PKD1L3: variants seen among roughly 807,000 people sequenced by gnomAD.
The protein encoded by PKD1L3 is polycystin-1-like protein 3.
In PKD1L3, 239 loss-of-function variants were observed where a neutral mutation model predicts 184.1. The ratio of observed to expected loss-of-function variants is 1.30; its 90% CI spans 1.17 to 1.45. The LOEUF (loss-of-function observed/expected upper bound fraction) is 1.45. PKD1L3 is among the 40% of genes most tolerant of loss of function. The pLI, the probability that PKD1L3 is intolerant of heterozygous loss-of-function variation, is 0.00. For missense variants in PKD1L3, 2,660 were observed against 2,067.2 expected (o/e 1.29, Z -5.56); for synonymous variants, 996 against 778.8 (o/e 1.28, Z -4.64).
At position 71,969,979 on chromosome 16, in the gene PKD1L3, C is replaced by A; in HGVS notation, c.2080G>T (p.Val694Leu). The A allele has an allele frequency of 6.4e-7, 1 of 1,551,742 alleles. No homozygotes were observed. Among genetic ancestry groups the A allele is most frequent in the African/African-American group, 1.4e-5 (1 of 73,132 alleles). ...VEDTIKLFLR[V>L]TNNPVGVSLL... is the part of the protein sequence containing the mutation. ...GACACCCCAACAGGATTGTTGGTCA[C>A]GCGAAGGAACAGTTTGATCGTGTCT... The change falls in exon 13 of 30, where the codon GTG becomes TTG. Residue 694 changes from valine (V) to leucine (L), a missense_variant. Coordinates refer to ENST00000620267, the MANE Select transcript of PKD1L3 (RefSeq NM_181536.2).
intron 16 of PKD1L3, among the ~76,000 whole-genome samples, chr16:71,958,681 T>C (rs1289672904): frequency 6.9e-6 from 1 of 145,440 alleles, no homozygotes; most frequent in Non-Finnish European, 1.5e-5. Context: ...CTCAGGAGGC[T>C]GAGGCAGGAG....
chr16:71,992,019 G>A lies in PKD1L3; in HGVS notation c.535+1197C>T, dbSNP rs149388758. Among the ~76,000 whole-genome samples the A allele has an allele frequency of 1.2e-4, 18 of 152,160 alleles. No homozygotes were observed. The East Asian group carries it at 2.7e-3, about 23-fold the overall frequency. On this transcript the variant is annotated intron_variant, in intron 3 of 29. Transcript: ENST00000620267. ...AGTTTTTTGTAGAGACAGAGACCCA[G>A]TATGTTGCCCAGGTTGGACTGGAAC...
intron 12 of PKD1L3, among the ~76,000 whole-genome samples, chr16:71,971,999 G>C (rs949104112): frequency 3.3e-5 from 5 of 151,268 alleles, no homozygotes; most frequent in Non-Finnish European, 2.9e-5. Flanking sequence ...GGCGGATCAC[G>C]AGGACAGGAG....
chr16:71,965,886 A>C (rs1252743867), intron 15 of PKD1L3, among the ~76,000 whole-genome samples: 1 of 152,056 alleles, frequency 6.6e-6, no homozygotes, highest in African/African-American at 2.4e-5. Flanking sequence ...AGCCATTCTG[A>C]TGGATGGCTA....
intron 3 of PKD1L3, 125 bp from the exon 4 acceptor site, chr16:71,990,454 C>A: frequency 1.4e-6 from 1 of 721,150 alleles, no homozygotes; most frequent in Non-Finnish European, 2.2e-6. Flanking sequence ...AAACCAAGGC[C>A]GGACATGGTA....
At position 71,986,467 on chromosome 16, in the gene PKD1L3, G is replaced by C. The variant is rs1011166979; in HGVS notation, c.588C>G (p.Ser196=). 2.6e-6 allele frequency: 4 copies of C among 1,545,938 alleles called. No homozygotes were observed. In the African/African-American group the frequency reaches 5.5e-5, roughly 21 times the overall value. ...GGCTGATGGGATGACACAGGGTCTTGGACTAAAAGATAAAAATATGTAAAG... is the reference window on the plus strand; with the variant it reads ...GGCTGATGGGATGACACAGGGTCTTCGACTAAAAGATAAAAATATGTAAAG... ...TCHYPLPAHL[S]KTLCHPISQF... Residue 196 remains serine, a splice_region_variant and synonymous_variant, in exon 5 of 30, where the codon TCC becomes TCG. Coordinates refer to ENST00000620267, the MANE Select transcript of PKD1L3 (RefSeq NM_181536.2).
In PKD1L3 at chr16:71,999,963, C is replaced by G; in HGVS notation, c.16G>C (p.Gly6Arg). ...CTGATGTATAACCAAAGCCAGCTTC[C>G]TCCTTTGAAGAACATTTTCTCTGAA... MFFKG[G>R]SWLWLYIRTS... is the part of the protein sequence containing the mutation. The change falls in exon 1 of 30, where the codon GGA (glycine) becomes CGA (arginine). Residue 6 changes from glycine (G) to arginine (R), a missense_variant. Transcript: ENST00000620267. The G allele has an allele frequency of 6.6e-7, 1 of 1,524,402 alleles. No individual in the cohort carries two copies. The highest frequency in any genetic ancestry group is 8.9e-7 in the Non-Finnish European group (1 of 1,128,188). 94.4% of individuals were successfully genotyped at this position (1,524,402 alleles called of 1,614,324 possible). A position where few individuals can be genotyped will look rare whatever the true frequency, so the allele number is the denominator to read the frequency against.
chr16:71,961,711 A>G (rs1361438262), intron 16 of PKD1L3, among the ~76,000 whole-genome samples: 1 of 152,204 alleles, frequency 6.6e-6, no homozygotes, highest in African/African-American at 2.4e-5. Flanking sequence ...AAAGATCCCA[A>G]GGGAAAACTC....
intron 28 of PKD1L3, among the ~76,000 whole-genome samples, chr16:71,932,780 C>CTTTTTTTT (rs71153681): frequency 2.1e-5 from 2 of 97,114 alleles, no homozygotes; most frequent in African/African-American, 8.8e-5. Flanking sequence ...CGCACCTGGC[C>CTTTTTTTT]TTTTTTTTTT....
At chr16:71,956,547 T>C (rs934807926) in intron 16 of PKD1L3, among the ~76,000 whole-genome samples, 3 of 152,016 alleles carry the variant, frequency 2.0e-5, no homozygotes, top group African/African-American at 7.2e-5. Context: ...CTTGAGGACA[T>C]TGTGATAAAT....
At position 71,950,221 on chromosome 16, in the gene PKD1L3, G is replaced by A; in HGVS notation, c.3280C>T (p.Gln1094Ter). Residue 1094 changes from glutamine to a stop codon, truncating the protein, a stop_gained, in exon 20 of 30, where the codon CAG becomes TAG. Transcript: ENST00000620267. LOFTEE classifies it high-confidence loss of function. ...KSHLGTLGLT[Q>*]GHQSCDFLDA... ...AGGAAGTCACAGGACTGGTGACCCT[G>A]GGTGAGACCCAGCGTGCCTAAGTGA... 2 of 1,552,202 alleles carry A rather than the reference G, an allele frequency of 1.3e-6. No homozygotes were observed. Among genetic ancestry groups the A allele is most frequent in the South Asian group, 2.4e-5 (2 of 84,062 alleles).
intron 16 of PKD1L3, among the ~76,000 whole-genome samples, chr16:71,955,582 C>T (rs527401537): frequency 6.6e-6 from 1 of 151,742 alleles, no homozygotes; most frequent in Non-Finnish European, 1.5e-5. Flanking sequence ...AACCTCCATC[C>T]CCCTGGCTCA....
chr16:71,943,105 C>A, intron 23 of PKD1L3, 81 bp from the exon 24 acceptor site: 2 of 1,193,812 alleles, frequency 1.7e-6, no homozygotes, highest in Non-Finnish European at 2.3e-6. Flanking sequence ...TTTCCTAAGT[C>A]TATAGACTTA....
chr16:71,933,328 G>A (rs896399571), intron 28 of PKD1L3, 92 bp downstream of exon 28: 16 of 901,732 alleles, frequency 1.8e-5, no homozygotes, highest in Non-Finnish European at 2.2e-5. Context: ...CCAGTGTGCA[G>A]TGTACAGTAG....
chr16:71,953,614 G>A (rs992522364), intron 17 of PKD1L3, among the ~76,000 whole-genome samples: 5 of 152,070 alleles, frequency 3.3e-5, no homozygotes, highest in African/African-American at 9.7e-5. Flanking sequence ...TTTAATCCCC[G>A]AGACGGGGTT....
At chr16:71,943,548 A>AAC (rs1270434702) in intron 23 of PKD1L3, among the ~76,000 whole-genome samples, 1 of 151,682 alleles carries the variant, frequency 6.6e-6, no homozygotes, top group Non-Finnish European at 1.5e-5. Context: ...AAAAAAAAAA[A>AAC]AAAAAAAAAA....
chr16:71,985,430 T>C (rs2040319240), intron 5 of PKD1L3, among the ~76,000 whole-genome samples: 1 of 152,148 alleles, frequency 6.6e-6, no homozygotes, highest in South Asian at 2.1e-4. Context: ...ACTTTGCCTT[T>C]TTTTGAGAGA....
At chr16:71,989,193 C>T (rs575699987) in intron 4 of PKD1L3, among the ~76,000 whole-genome samples, 3 of 152,338 alleles carry the variant, frequency 2.0e-5, no homozygotes, top group South Asian at 2.1e-4. Flanking sequence ...CTCCCTCTGT[C>T]GCCCAAGCTG....
At chr16:71,950,054 A>G (rs901165112) in intron 20 of PKD1L3, 37 bp from the exon 21 acceptor site, 1 of 1,549,674 alleles carries the variant, frequency 6.5e-7, no homozygotes, top group Non-Finnish European at 8.7e-7. Flanking sequence ...TCTTGTATGC[A>G]TCGGCTGAGA....
Sources: allele counts gnomAD v4.1 joint callset (sites outside exome capture counted in the v4.1 genomes callset), GRCh38; gene constraint gnomAD v4.1.1; transcripts MANE v1.5; gene names NCBI Gene and HGNC (gene_info 2026-07-23, HGNC 2026-07-21).